LGSN: variants seen among roughly 807,000 people sequenced by gnomAD.
LGSN encodes lengsin, lens protein with glutamine synthetase domain.
LGSN carries 21 observed loss-of-function variants against 19.5 expected under a neutral mutation model. The observed-to-expected ratio is 1.07, with a 90% CI of 0.76 to 1.55. The LOEUF is 1.55. Among genes scored for constraint, LGSN ranks in the 40% most tolerant of loss-of-function variants. The probability of loss-of-function intolerance (pLI) is 0.00; values close to 1 mark genes in which losing one functional copy is unlikely to be tolerated. For synonymous variants in LGSN, 257 were observed against 215.6 expected (o/e 1.19, Z -1.68); for missense variants, 673 against 608.5 (o/e 1.11, Z -1.12).
chr6:63,535,686 T>C, the LGSN span, among the ~76,000 whole-genome samples: 1 of 152,168 alleles, frequency 6.6e-6, no homozygotes, highest in East Asian at 1.9e-4. Context: ...ACATTTATAG[T>C]AGTTTTGATG....
chr6:63,375,273 A>T, the LGSN span, among the ~76,000 whole-genome samples: 1 of 152,116 alleles, frequency 6.6e-6, no homozygotes, highest in African/African-American at 2.4e-5. Flanking sequence ...AGAATACATT[A>T]TTGGTGGTCC....
At chr6:63,514,532 T>G in the LGSN span, among the ~76,000 whole-genome samples, 1 of 152,322 alleles carries the variant, frequency 6.6e-6, no homozygotes, top group East Asian at 1.9e-4. Context: ...CAGCCCTCTT[T>G]GACGTTTTAT....
the LGSN span, among the ~76,000 whole-genome samples, chr6:63,434,604 C>CAAA: frequency 1.4e-4 from 9 of 62,894 alleles, no homozygotes; most frequent in Non-Finnish European, 2.2e-4. Flanking sequence ...ACTAAAAATT[C>CAAA]AAAAAAAAAA....
chr6:63,474,765 T>G, the LGSN span, among the ~76,000 whole-genome samples: 1 of 139,394 alleles, frequency 7.2e-6, no homozygotes, highest in Non-Finnish European at 1.5e-5. Context: ...CTACTAAAGA[T>G]AAAAAAAATT....
the LGSN span, among the ~76,000 whole-genome samples, chr6:63,556,961 G>A: frequency 6.6e-6 from 1 of 152,140 alleles, no homozygotes; most frequent in Non-Finnish European, 1.5e-5. Flanking sequence ...CAGGGTTTCT[G>A]TTGTCTACCA....
the LGSN span, among the ~76,000 whole-genome samples, chr6:63,329,149 T>C: frequency 6.6e-6 from 1 of 152,152 alleles, no homozygotes; most frequent in Non-Finnish European, 1.5e-5. Context: ...CATCCACATA[T>C]TGAAGGACCA....
Position 63,285,711 on chromosome 6 carries a change from A to G in LGSN, c.206T>C (p.Leu69Pro), listed in dbSNP as rs751621422. ...TCTAATGTGTTTCATTCTAGAAGAG[A>G]GTTGAGGTGGGGTCAAAATTTGACT... ...DSSQILTPPQ[L>P]SSRMKHIRQA... Residue 69 changes from leucine (L) to proline (P), a missense_variant, in exon 3 of 4, where the codon CTC becomes CCC. By Grantham distance (98) the Leu-to-Pro change is moderately conservative. Coordinates refer to ENST00000370657, the MANE Select transcript of LGSN (RefSeq NM_016571.3). The G allele has an allele frequency of 9.9e-6, 16 of 1,613,912 alleles. No individual in the cohort carries two copies. The highest frequency in any genetic ancestry group is 4.4e-5 in the South Asian group (4 of 91,084).
At chr6:63,493,560 A>G in the LGSN span, among the ~76,000 whole-genome samples, 3 of 152,216 alleles carry the variant, frequency 2.0e-5, no homozygotes, top group African/African-American at 7.2e-5. Context: ...CCTAGGAAAC[A>G]CTGAGTTATT....
the LGSN span, among the ~76,000 whole-genome samples, chr6:63,341,560 G>A: frequency 6.6e-6 from 1 of 152,042 alleles, no homozygotes; most frequent in Non-Finnish European, 1.5e-5. Flanking sequence ...CTTTTGTCCT[G>A]GGGGAAGACT....
At chr6:63,427,589 A>G in the LGSN span, among the ~76,000 whole-genome samples, 1 of 152,228 alleles carries the variant, frequency 6.6e-6, no homozygotes, top group East Asian at 1.9e-4. Flanking sequence ...CAGCATAAAA[A>G]TAGTTCACAG....
the LGSN span, among the ~76,000 whole-genome samples, chr6:63,452,666 T>TCTCG: frequency 3.3e-5 from 5 of 151,674 alleles, no homozygotes; most frequent in African/African-American, 9.7e-5. Flanking sequence ...TCTCTCTCTC[T>TCTCG]CTCTCTCTCT....
chr6:63,458,716 A>T, the LGSN span, among the ~76,000 whole-genome samples: 7 of 152,180 alleles, frequency 4.6e-5, no homozygotes, highest in Non-Finnish European at 8.8e-5. Flanking sequence ...AAGCCTTCAG[A>T]GAGAGAATGT....
the LGSN span, among the ~76,000 whole-genome samples, chr6:63,543,256 G>A: frequency 6.6e-6 from 1 of 152,246 alleles, no homozygotes; most frequent in East Asian, 1.9e-4. Flanking sequence ...TCAGTCCCAG[G>A]CATTCTGTGA....
At chr6:63,486,313 A>G in the LGSN span, among the ~76,000 whole-genome samples, 1 of 152,146 alleles carries the variant, frequency 6.6e-6, no homozygotes, top group South Asian at 2.1e-4. Flanking sequence ...GGAACTCGTG[A>G]TCAACATGTT....
chr6:63,526,714 T>TCTTGAATC, the LGSN span, among the ~76,000 whole-genome samples: 1 of 150,146 alleles, frequency 6.7e-6, no homozygotes, highest in East Asian at 2.0e-4. Context: ...AGGCTGCATT[T>TCTTGAATC]CTTGAATCTG....
At chr6:63,390,118 CTTTTTTTTTTTTT>C in the LGSN span, among the ~76,000 whole-genome samples, 2 of 66,336 alleles carry the variant, frequency 3.0e-5, no homozygotes, top group Admixed American at 2.1e-4. Flanking sequence ...TTCTTTCTTT[CTTTTTTTTTTTTT>C]TTTTTTTTTT....
At chr6:63,382,209 T>C in the LGSN span, among the ~76,000 whole-genome samples, 1 of 152,234 alleles carries the variant, frequency 6.6e-6, no homozygotes, top group Non-Finnish European at 1.5e-5. Context: ...GAAGAGAACT[T>C]ACATTTTTAT....
At position 63,279,896 on chromosome 6, in the gene LGSN, A is replaced by T; in HGVS notation, c.*125T>A. 1 of 903,318 alleles carries T rather than the reference A, an allele frequency of 1.1e-6. No homozygotes were observed. Among genetic ancestry groups the T allele is most frequent in the Non-Finnish European group, 1.7e-6 (1 of 588,518 alleles). 56.0% of individuals were successfully genotyped at this position (903,318 alleles called of 1,614,324 possible). On this transcript the variant is annotated 3_prime_UTR_variant, in exon 4 of 4. Coordinates refer to ENST00000370657, the MANE Select transcript of LGSN (RefSeq NM_016571.3). ...CAAATATTCCATGGACAAAAAAAAAAGTCAAAAGCATTCGTAATCTTGTTA... is the reference window on the plus strand; with the variant it reads ...CAAATATTCCATGGACAAAAAAAAATGTCAAAAGCATTCGTAATCTTGTTA...
the LGSN span, among the ~76,000 whole-genome samples, chr6:63,332,159 G>C: frequency 6.6e-6 from 1 of 152,144 alleles, no homozygotes; most frequent in African/African-American, 2.4e-5. Flanking sequence ...ACTATGACAG[G>C]GCTTTGGGCA....
Sources: allele counts gnomAD v4.1 joint callset (sites outside exome capture counted in the v4.1 genomes callset), GRCh38; gene constraint gnomAD v4.1.1; transcripts MANE v1.5; gene names NCBI Gene and HGNC (gene_info 2026-07-23, HGNC 2026-07-21).